Variants in ANO4 observed in about 807,000 individuals in gnomAD.
ANO4 encodes anoctamin 4.
In ANO4, 69 loss-of-function variants were observed where a neutral mutation model predicts 141.9. The observed-to-expected ratio is 0.49, with a 90% CI of 0.40 to 0.59. The LOEUF is 0.59. Among genes scored for constraint, ANO4 ranks in the 20% least tolerant of loss-of-function variants. ANO4 has a pLI of 0.00. For synonymous variants in ANO4, 350 were observed against 394.3 expected, an observed-to-expected ratio of 0.89 and a Z score of 1.33; for missense variants, 894 against 1,162.2, an observed-to-expected ratio of 0.77 and a Z score of 3.36.
At chr12:101,019,478 T>G (rs976026727) in intron 8 of ANO4, among the ~76,000 whole-genome samples, 6 of 152,080 alleles carry the variant, frequency 3.9e-5, no homozygotes, top group Admixed American at 2.0e-4. Flanking sequence ...CTTAAGTGTG[T>G]GCTTTAGAAG....
At chr12:100,858,260 G>C (rs1415689762) in intron 1 of ANO4, among the ~76,000 whole-genome samples, 1 of 151,646 alleles carries the variant, frequency 6.6e-6, no homozygotes, top group Non-Finnish European at 1.5e-5. Context: ...TTGCTCCTAG[G>C]CTGTAAACCT....
At chr12:100,908,549 A>C (rs900425682) in intron 2 of ANO4, among the ~76,000 whole-genome samples, 5 of 135,344 alleles carry the variant, frequency 3.7e-5, no homozygotes, top group Non-Finnish European at 8.1e-5. Context: ...AGTATTTTTA[A>C]AACTCATATT....
At chr12:100,730,508 G>T (rs532884093) in intron 1 of ANO4, among the ~76,000 whole-genome samples, 1 of 152,276 alleles carries the variant, frequency 6.6e-6, no homozygotes, top group Non-Finnish European at 1.5e-5. Context: ...ATAGGAAGGA[G>T]AATTAATTAT....
chr12:100,811,517 T>C (rs1303117648), intron 1 of ANO4, among the ~76,000 whole-genome samples: 1 of 152,200 alleles, frequency 6.6e-6, no homozygotes, highest in Non-Finnish European at 1.5e-5. Context: ...TGAAGGATTT[T>C]GGGCTGCTTA....
intron 24 of ANO4, 143 bp from the exon 25 acceptor site, chr12:101,116,536 C>A: frequency 1.7e-6 from 2 of 1,192,438 alleles, no homozygotes; most frequent in Non-Finnish European, 2.4e-6. Context: ...TCCAGCGTAT[C>A]CCAACCTGAG....
intron 1 of ANO4, among the ~76,000 whole-genome samples, chr12:100,871,369 T>G (rs2039025818): frequency 1.3e-5 from 2 of 152,224 alleles, no homozygotes; most frequent in Admixed American, 1.3e-4. Flanking sequence ...TGTGCCAAAC[T>G]TGTTGGCACC....
At chr12:100,815,263 C>CCA (rs1256989106) in intron 1 of ANO4, among the ~76,000 whole-genome samples, 19 of 152,084 alleles carry the variant, frequency 1.2e-4, no homozygotes, top group Admixed American at 9.8e-4. Context: ...CTCTCCCTGA[C>CCA]CCTCAGCAAG....
intron 2 of ANO4, among the ~76,000 whole-genome samples, chr12:100,921,253 T>C: frequency 6.6e-6 from 1 of 152,124 alleles, no homozygotes; most frequent in East Asian, 1.9e-4. Flanking sequence ...GAATATTAAG[T>C]TACCTTCAGG....
chr12:100,727,086 TA>T (rs1283297678), intron 1 of ANO4, among the ~76,000 whole-genome samples: 5 of 152,174 alleles, frequency 3.3e-5, no homozygotes, highest in Non-Finnish European at 2.9e-5. Context: ...CTTTATGGTC[TA>T]AAGTATGGTC....
chr12:101,102,435 G>T (rs1214880983), intron 22 of ANO4, among the ~76,000 whole-genome samples: 1 of 152,132 alleles, frequency 6.6e-6, no homozygotes, highest in Non-Finnish European at 1.5e-5. Flanking sequence ...ATCTCATCAT[G>T]ATTTTAACTT....
At position 101,097,426 on chromosome 12, in the gene ANO4, T is replaced by C. The variant is rs117000459; in HGVS notation, c.1851-225T>C. Among the ~76,000 whole-genome samples the C allele has an allele frequency of 3.0e-3, 464 of 152,276 alleles. 2 individuals carry two copies. The highest frequency in any genetic ancestry group is 4.6e-3 in the Non-Finnish European group (310 of 68,016). Reference sequence around the variant, plus strand: ...AAAGTCCACAGCAAGCAGCAAGAACTGGCTTCTGCTTTAGGCAGCCTGACA... The same window carrying C: ...AAAGTCCACAGCAAGCAGCAAGAACCGGCTTCTGCTTTAGGCAGCCTGACA... On this transcript the variant is annotated intron_variant, in intron 19 of 27. Coordinates refer to ENST00000392977, the MANE Select transcript of ANO4 (RefSeq NM_001286615.2).
At chr12:100,743,125 T>C (rs540626417) in intron 3 of ANO4, among the ~76,000 whole-genome samples, 12 of 152,258 alleles carry the variant, frequency 7.9e-5, no homozygotes, top group African/African-American at 2.9e-4. Context: ...GCTCAGAGTC[T>C]AGTGGAGGAG....
intron 1 of ANO4, among the ~76,000 whole-genome samples, chr12:100,812,233 T>G (rs148302545): frequency 6.6e-6 from 1 of 152,342 alleles, no homozygotes; most frequent in Non-Finnish European, 1.5e-5. Context: ...ATTGCTTTGT[T>G]GTTGTTCTGT....
At chr12:101,014,137 C>G (rs972425855) in intron 8 of ANO4, among the ~76,000 whole-genome samples, 1 of 152,070 alleles carries the variant, frequency 6.6e-6, no homozygotes, top group African/African-American at 2.4e-5. Context: ...TATACACACC[C>G]TCAATACATA....
chr12:100,801,093 GTCTCTCTCTCTCTC>G (rs35462149), intron 1 of ANO4, among the ~76,000 whole-genome samples: 3 of 147,260 alleles, frequency 2.0e-5, no homozygotes, highest in Admixed American at 6.8e-5. Context: ...TTGTCTACTT[GTCTCTCTCTCTCTC>G]TCTCTCTCTC....
intron 1 of ANO4, among the ~76,000 whole-genome samples, chr12:100,887,823 A>G (rs1184347777): frequency 1.3e-5 from 2 of 152,238 alleles, no homozygotes; most frequent in Non-Finnish European, 2.9e-5. Flanking sequence ...TATCTAGTTC[A>G]CATCCTTAAA....
At chr12:101,034,291 T>G (rs796464619) in intron 9 of ANO4, among the ~76,000 whole-genome samples, 15 of 152,316 alleles carry the variant, frequency 9.8e-5, no homozygotes, top group African/African-American at 3.6e-4. Flanking sequence ...ATATCCACTA[T>G]GGAATATTAT....
intron 7 of ANO4, among the ~76,000 whole-genome samples, chr12:100,985,687 CT>C (rs1262648248): frequency 1.3e-5 from 2 of 152,092 alleles, no homozygotes; most frequent in Non-Finnish European, 2.9e-5. Flanking sequence ...CCTAGAGCCA[CT>C]GTGAGATTCT....
intron 26 of ANO4, among the ~76,000 whole-genome samples, chr12:101,124,920 G>A (rs2051246731): frequency 6.6e-6 from 1 of 152,134 alleles, no homozygotes; most frequent in African/African-American, 2.4e-5. Context: ...TTCCAGCTTT[G>A]TTCTTTTTGC....
Sources: allele counts gnomAD v4.1 joint callset (sites outside exome capture counted in the v4.1 genomes callset), GRCh38; gene constraint gnomAD v4.1.1; transcripts MANE v1.5; gene names NCBI Gene and HGNC (gene_info 2026-07-23, HGNC 2026-07-21).